Variants in BCAR1 observed in about 807,000 individuals in gnomAD.
BCAR1 encodes the protein BCAR1 scaffold protein, Cas family member.
Under a neutral mutation model 67.6 loss-of-function variants are expected in BCAR1, and 30 were observed. The ratio of observed to expected loss-of-function variants is 0.44; its 90% CI spans 0.33 to 0.60. The LOEUF is 0.60. BCAR1 is among the 20% of genes least tolerant of loss of function. The pLI, the probability that BCAR1 is intolerant of heterozygous loss-of-function variation, is 0.02. For missense variants in BCAR1, 1,313 were observed against 1,222.3 expected (o/e 1.07, Z -1.11); for synonymous variants, 626 against 556.7 (o/e 1.12, Z -1.75).
chr16:75,249,931 C>A (rs942777470), intron 1 of BCAR1: 2 of 152,270 alleles, frequency 1.3e-5, no homozygotes, highest in African/African-American at 2.4e-5. Flanking sequence ...CTGAGGACAA[C>A]TGACTGTCTC....
At chr16:75,264,481 AGGAAG>A in intron 1 of BCAR1, 3 of 1,465,334 alleles carry the variant, frequency 2.0e-6, no homozygotes, top group African/African-American at 2.8e-5. Flanking sequence ...AACAGAAGAG[AGGAAG>A]GGCTTGGCAG....
chr16:75,252,087 G>C (rs2077694554), upstream of BCAR1: 1 of 1,056,920 alleles, frequency 9.5e-7, no homozygotes, highest in Non-Finnish European at 1.4e-6. Flanking sequence ...AAAGGGGAGG[G>C]GGCGTGCCCC....
At chr16:75,239,390 A>G (rs1163913735) in intron 2 of BCAR1, among the ~76,000 whole-genome samples, 1 of 152,134 alleles carries the variant, frequency 6.6e-6, no homozygotes, top group Non-Finnish European at 1.5e-5. Context: ...CACAGAACCC[A>G]GGCAGCCCCA....
At chr16:75,266,451 G>A (rs2078010677) in intron 1 of BCAR1, 1 of 308,642 alleles carries the variant, frequency 3.2e-6, no homozygotes, top group African/African-American at 2.2e-5. Flanking sequence ...AGGATCCTGT[G>A]TCCCTGTAAC....
intron 1 of BCAR1, chr16:75,266,861 T>C: frequency 8.6e-7 from 1 of 1,162,168 alleles, no homozygotes; most frequent in African/African-American, 1.6e-5. Context: ...CGGAGCCAGC[T>C]CCATGAGGCT....
At chr16:75,234,080 C>G in intron 5 of BCAR1, 145 bp from the exon 6 acceptor site, 1 of 697,082 alleles carries the variant, frequency 1.4e-6, no homozygotes, top group Non-Finnish European at 2.5e-6. Context: ...GACGCACACA[C>G]ACACTAGCAC....
In BCAR1 at chr16:75,234,540, G is replaced by A. The variant is rs576856833; in HGVS notation, c.2010+349C>T. ...GCTAGCACCCAGGCCTCTGCTCCAG[G>A]GGCCAGCCTGGGAGGAGCAGTCCCA... On this transcript the variant is annotated intron_variant, in intron 5 of 6. Coordinates refer to ENST00000162330, the MANE Select transcript of BCAR1 (RefSeq NM_014567.5). Among the ~76,000 whole-genome samples, 280 of 152,300 alleles carry A rather than the reference G, an allele frequency of 1.8e-3. 2 individuals carry two copies. Among genetic ancestry groups the A allele is most frequent in the African/African-American group, 6.2e-3 (258 of 41,576 alleles).
At chr16:75,243,898 C>G (rs1344770624) in intron 1 of BCAR1, among the ~76,000 whole-genome samples, 2 of 152,250 alleles carry the variant, frequency 1.3e-5, no homozygotes, top group East Asian at 3.8e-4. Context: ...GCTGCCCCAT[C>G]GAGGTGCCAG....
Position 75,228,663 on chromosome 16 carries a change from C to A in BCAR1, c.*848G>T, listed in dbSNP as rs1341493600. The A allele has an allele frequency of 1.3e-5, 2 of 152,362 alleles. No homozygotes were observed. Among genetic ancestry groups the A allele is most frequent in the African/African-American group, 4.8e-5 (2 of 41,478 alleles). The allele number at this position is 152,362 out of a possible 1,614,324, so 9.4% of individuals were successfully genotyped here. A position where few individuals can be genotyped will look rare whatever the true frequency, so the allele number is the denominator to read the frequency against. ...GAACCCGTCCCCTTGTGCAGCTGTT[C>A]CTGCCCCAATCTGCCCTCACTCCAG... On this transcript the variant is annotated 3_prime_UTR_variant, in exon 7 of 7. Coordinates refer to ENST00000162330, the MANE Select transcript of BCAR1 (RefSeq NM_014567.5).
upstream of BCAR1, among the ~76,000 whole-genome samples, chr16:75,252,816 G>A (rs1479293664): frequency 1.3e-5 from 2 of 152,210 alleles, no homozygotes; most frequent in Non-Finnish European, 2.9e-5. Flanking sequence ...GGCCAGATGT[G>A]CCACCTTGGC....
chr16:75,243,164 T>A, intron 1 of BCAR1, 74 bp from the exon 2 acceptor site: 1 of 1,445,820 alleles, frequency 6.9e-7, no homozygotes, highest in Non-Finnish European at 9.4e-7. Flanking sequence ...GCTCCTGCCC[T>A]GCTCTGGGGA....
intron 6 of BCAR1, among the ~76,000 whole-genome samples, chr16:75,232,363 T>C (rs1011801143): frequency 6.6e-6 from 1 of 152,166 alleles, no homozygotes; most frequent in Admixed American, 6.5e-5. Context: ...TTTTGCCATG[T>C]TGACCAGGCT....
Position 75,229,847 on chromosome 16 carries a change from G to C in BCAR1, c.2277C>G (p.Thr759=), listed in dbSNP as rs1271375334. The C allele has an allele frequency of 2.5e-6, 4 of 1,613,282 alleles. No homozygotes were observed. Among genetic ancestry groups the C allele is most frequent in the African/African-American group, 1.3e-5 (1 of 74,944 alleles). The change falls in exon 7 of 7, where the codon ACC becomes ACG. Residue 759 remains threonine, a synonymous_variant. Transcript: ENST00000162330. ...EQCEANLTTL[T]NAVDAFFTAV... Reference sequence around the variant, plus strand: ...CGGTAAAGAAGGCGTCCACGGCGTTGGTCAGTGTGGTCAGGTTGGCCTCAC... The same window carrying C: ...CGGTAAAGAAGGCGTCCACGGCGTTCGTCAGTGTGGTCAGGTTGGCCTCAC...
In BCAR1 at chr16:75,236,894, G is replaced by A. The variant is rs748834266; in HGVS notation, c.900C>T (p.Ser300=). 4.3e-6 allele frequency: 7 copies of A among 1,612,754 alleles called. No individual in the cohort carries two copies. Among genetic ancestry groups the A allele is most frequent in the South Asian group, 1.1e-5 (1 of 90,752 alleles). The change falls in exon 4 of 7, where the codon TCC becomes TCT. Residue 300 remains serine (S), a synonymous_variant. Transcript: ENST00000162330. The part of the protein sequence containing the change: ...PPSVEKGLPP[S]NHHAVYDVPP... ...GGCATTTGCTCACTGCGTGGTGGTTGGACGGTGGCAGGCCCTTCTCCACAC... is the reference window on the plus strand; with the variant it reads ...GGCATTTGCTCACTGCGTGGTGGTTAGACGGTGGCAGGCCCTTCTCCACAC...
At chr16:75,240,683 AT>A (rs1444113971) in intron 2 of BCAR1, among the ~76,000 whole-genome samples, 1 of 152,224 alleles carries the variant, frequency 6.6e-6, no homozygotes, top group African/African-American at 2.4e-5. Flanking sequence ...TGATCATAAA[AT>A]ACAAGCAGAC....
Position 75,235,918 on chromosome 16 carries a change from G to A in BCAR1, c.981C>T (p.Tyr327=), listed in dbSNP as rs754784450. ...CCTTGGCGAAGGCGGGGGGCACATC[G>A]TAGGTCTCCTCACGCAGCAGTGGGC... ...PDGPLLREET[Y]DVPPAFAKAK... is the part of the protein sequence containing the mutation. The change falls in exon 5 of 7, where the codon TAC becomes TAT. Residue 327 remains tyrosine (Y), a synonymous_variant. Transcript: ENST00000162330. 18 of 1,567,926 alleles carry A rather than the reference G, an allele frequency of 1.1e-5. No individual in the cohort carries two copies. The highest frequency in any genetic ancestry group is 3.5e-5 in the South Asian group (3 of 86,154).
Position 75,267,961 on chromosome 16 carries a change from G to A in BCAR1, c.20C>T (p.Ala7Val), listed in dbSNP as rs376547477. ...TGTGGGCCTGGGGGCAGCCAGAGGA[G>A]CCTCACCAGGGCAGTGCATGCCCTC... The change falls in exon 1 of 7, where the codon GCT becomes GTT. Residue 7 changes from alanine to valine, a missense_variant. Physicochemically the swap from Ala to Val is moderately conservative, Grantham distance 64. Coordinates refer to the BCAR1 transcript ENST00000393422. 18 of 1,600,904 alleles carry A rather than the reference G, an allele frequency of 1.1e-5. No individual in the cohort carries two copies. In the African/African-American group the frequency reaches 2.4e-4, roughly 21 times the overall value.
intron 1 of BCAR1, chr16:75,246,023 G>A (rs2077512538): frequency 8.9e-6 from 1 of 112,666 alleles, no homozygotes; most frequent in South Asian, 3.0e-4. Context: ...TTGCCCAGTA[G>A]CGCGATCATG....
intron 2 of BCAR1, among the ~76,000 whole-genome samples, chr16:75,240,478 A>G (rs2077301451): frequency 6.6e-6 from 1 of 152,228 alleles, no homozygotes; most frequent in Non-Finnish European, 1.5e-5. Context: ...TAAGAATTCA[A>G]CAAAATGCTT....
Sources: allele counts gnomAD v4.1 joint callset (sites outside exome capture counted in the v4.1 genomes callset), GRCh38; gene constraint gnomAD v4.1.1; transcripts MANE v1.5; gene names NCBI Gene and HGNC (gene_info 2026-07-23, HGNC 2026-07-21).